Variants in DCAF4 observed in about 807,000 individuals in gnomAD.
DCAF4 encodes DDB1 and CUL4 associated factor 4, also known as DDB1- and CUL4-associated factor 4.
DCAF4 carries 37 observed loss-of-function variants against 60.9 expected under a neutral mutation model. The ratio of observed to expected loss-of-function variants is 0.61; its 90% confidence interval spans 0.47 to 0.80. The LOEUF is 0.80. Ranked by LOEUF, DCAF4 falls within the 30% of genes least tolerant of loss-of-function variation. DCAF4 has a pLI of 0.00. For synonymous variants in DCAF4, 243 were observed against 254.8 expected (o/e 0.95, Z 0.44); for missense variants, 577 against 650.0 (o/e 0.89, Z 1.22).
At chr14:72,929,376 A>ACGCTGGG (rs1056835379) in intron 1 of DCAF4, among the ~76,000 whole-genome samples, 5 of 152,118 alleles carry the variant, frequency 3.3e-5, no homozygotes, top group Non-Finnish European at 5.9e-5. Context: ...ACATACACAT[A>ACGCTGGG]CGCTGGGCAC....
chr14:72,929,600 A>G (rs924442126), intron 1 of DCAF4: 2 of 1,008,000 alleles, frequency 2.0e-6, no homozygotes, highest in Non-Finnish European at 1.5e-6. Flanking sequence ...GGAAGAGGGC[A>G]GGGGAGGGGG....
At chr14:72,946,770 G>C (rs960170068) in intron 7 of DCAF4, among the ~76,000 whole-genome samples, 1 of 152,210 alleles carries the variant, frequency 6.6e-6, no homozygotes, top group African/African-American at 2.4e-5. Context: ...GGCGGCATCC[G>C]TGAGAAGCTG....
intron 1 of DCAF4, chr14:72,929,873 T>C (rs1488077486): frequency 2.7e-6 from 4 of 1,476,352 alleles, no homozygotes; most frequent in Non-Finnish European, 3.7e-6. Flanking sequence ...TTGCTCACGT[T>C]CTTGGTCACC....
chr14:72,946,125 C>G, intron 7 of DCAF4, 98 bp downstream of exon 7: 1 of 1,417,884 alleles, frequency 7.1e-7, no homozygotes, highest in East Asian at 2.3e-5. Flanking sequence ...GAGGGCAGAG[C>G]ATACTTACCT....
At chr14:72,943,162 G>T (rs933238697) in intron 6 of DCAF4, 66 bp downstream of exon 6, 1 of 1,452,972 alleles carries the variant, frequency 6.9e-7, no homozygotes. Context: ...GTGGCTTAGC[G>T]TTGCCAGTCA....
At chr14:72,950,456 C>T (rs1469877758) in intron 8 of DCAF4, among the ~76,000 whole-genome samples, 1 of 152,166 alleles carries the variant, frequency 6.6e-6, no homozygotes, top group Non-Finnish European at 1.5e-5. Context: ...AAACCAGAGG[C>T]TCATTGAAGA....
rs1327466108 is a variant in DCAF4 at position 72,953,763 on chromosome 14, A to ATATATG, written c.809-401_809-400insTATATG. Among the ~76,000 whole-genome samples the ATATATG allele has an allele frequency of 2.4e-4, 9 of 38,138 alleles. 1 individual carries two copies. The highest frequency in any genetic ancestry group is 8.5e-4 in the African/African-American group (9 of 10,570). The allele number at this position is 38,138 out of a possible 152,430, so 25.0% of individuals were successfully genotyped here. ...TATATATATATATATATATATATAT[A>ATATATG]GTTTATTTATTTATTTATTTGTGTG... On this transcript the variant is annotated intron_variant, in intron 9 of 13. Coordinates refer to ENST00000358377, the MANE Select transcript of DCAF4 (RefSeq NM_015604.4).
chr14:72,955,776 G>A, intron 12 of DCAF4, 80 bp downstream of exon 12: 1 of 1,359,072 alleles, frequency 7.4e-7, no homozygotes. Context: ...TGCTGAAGAG[G>A]TCCTCACACC....
Position 72,953,768 on chromosome 14 carries a change from A to ATAG in DCAF4, c.809-395_809-394insAGT, listed in dbSNP as rs1567325444. Among the ~76,000 whole-genome samples, 27 of 20,042 alleles carry ATAG rather than the reference A, an allele frequency of 1.3e-3. 2 individuals are homozygous for ATAG. The highest frequency in any genetic ancestry group is 3.6e-3 in the African/African-American group (25 of 6,908). The allele number at this position is 20,042 out of a possible 152,430, so 13.1% of individuals were successfully genotyped here. Reference sequence around the variant, plus strand: ...ATATATATATATATATATATAGTTTATTTATTTATTTATTTGTGTGTGTGT... The same window carrying ATAG: ...ATATATATATATATATATATAGTTTATAGTTTATTTATTTATTTGTGTGTGTGT... On this transcript the variant is annotated intron_variant, in intron 9 of 13. Coordinates refer to ENST00000358377, the MANE Select transcript of DCAF4 (RefSeq NM_015604.4).
chr14:72,927,045 G>A (rs1417746624), intron 1 of DCAF4: 1 of 152,348 alleles, frequency 6.6e-6, no homozygotes, highest in Non-Finnish European at 1.5e-5. Context: ...ACGCAGAAAG[G>A]GGTGCAGTTT....
chr14:72,933,853 A>G (rs1451053980), intron 1 of DCAF4, among the ~76,000 whole-genome samples: 1 of 152,092 alleles, frequency 6.6e-6, no homozygotes, highest in Non-Finnish European at 1.5e-5. Flanking sequence ...CACCTCTCCC[A>G]TGAAATTTGC....
intron 9 of DCAF4, among the ~76,000 whole-genome samples, chr14:72,952,645 T>A (rs976540620): frequency 6.6e-6 from 1 of 151,536 alleles, no homozygotes; most frequent in African/African-American, 2.4e-5. Context: ...GAAAGGGATG[T>A]GAGGGAGGCC....
rs1434633153 is a variant in DCAF4, at chr14:72,941,742, T to C, written c.352-3T>C. The C allele has an allele frequency of 2.5e-6, 4 of 1,613,172 alleles. No homozygotes were observed. The highest frequency in any genetic ancestry group is 3.3e-5 in the Admixed American group (2 of 59,882). ...ATTGTTCTCTTTTTTGTAATAAATATAGATTGCCAGGATGGGATTTAATGC... is the reference window on the plus strand; with the variant it reads ...ATTGTTCTCTTTTTTGTAATAAATACAGATTGCCAGGATGGGATTTAATGC... On this transcript the variant is annotated splice_region_variant and splice_polypyrimidine_tract_variant and intron_variant, in intron 4 of 13. Coordinates refer to ENST00000358377, the MANE Select transcript of DCAF4 (RefSeq NM_015604.4).
In DCAF4 at chr14:72,955,570, T is replaced by G. The variant is rs779372720; in HGVS notation, c.1053T>G (p.Ile351Met). 6.2e-7 allele frequency: 1 copy of G among 1,614,164 alleles called. No individual in the cohort carries two copies. ...NGCRSGEIFA[I>M]DLRCGNQGKG... ...GCCGCTCTGGGGAAATCTTTGCCAT[T>G]GATCTGCGTTGTGGAAATCAAGGCA... is the stretch of plus-strand genomic sequence containing the variant. The change falls in exon 12 of 14, where the codon ATT (isoleucine) becomes ATG (methionine). Residue 351 changes from isoleucine (I) to methionine (M), a missense_variant. By Grantham distance (10) the Ile-to-Met change is conservative. Coordinates refer to ENST00000358377, the MANE Select transcript of DCAF4 (RefSeq NM_015604.4).
chr14:72,946,002 A>T lies in DCAF4; in HGVS notation c.653A>T (p.Glu218Val). 1 of 1,614,152 alleles carries T rather than the reference A, an allele frequency of 6.2e-7. No homozygotes were observed. Among genetic ancestry groups the T allele is most frequent in the Non-Finnish European group, 8.5e-7 (1 of 1,180,036 alleles). The change falls in exon 7 of 14, where the codon GAA (glutamate) becomes GTA (valine). Residue 218 changes from glutamate to valine, a missense_variant. Transcript: ENST00000358377. Reference protein sequence around the residue: ...KTPTLKVFMHENLYFTNRKVN... With the variant: ...KTPTLKVFMHVNLYFTNRKVN... ...CCTACGCTCAAGGTGTTCATGCACG[A>T]AAACCTCTACTTCACCAACCGGAAG... is the stretch of plus-strand genomic sequence containing the variant.
chr14:72,958,398 A>G (rs1325101561), intron 13 of DCAF4, among the ~76,000 whole-genome samples: 1 of 152,240 alleles, frequency 6.6e-6, no homozygotes, highest in Non-Finnish European at 1.5e-5. Flanking sequence ...CGAGCCATTC[A>G]TGGCATCACA....
At chr14:72,944,309 A>G (rs994927562) in intron 6 of DCAF4, among the ~76,000 whole-genome samples, 2 of 152,208 alleles carry the variant, frequency 1.3e-5, no homozygotes, top group Non-Finnish European at 2.9e-5. Flanking sequence ...TCTAGTCTCA[A>G]TGATTCTTCT....
At chr14:72,947,338 A>G (rs1890866213) in intron 8 of DCAF4, 147 bp downstream of exon 8, 1 of 933,638 alleles carries the variant, frequency 1.1e-6, no homozygotes, top group South Asian at 1.4e-5. Flanking sequence ...AAAAAAAAGC[A>G]GCGTACCTGG....
At chr14:72,944,519 A>G (rs1890470174) in intron 6 of DCAF4, among the ~76,000 whole-genome samples, 1 of 152,228 alleles carries the variant, frequency 6.6e-6, no homozygotes, top group African/African-American at 2.4e-5. Context: ...CACATCTGGC[A>G]CAGTGGTTCA....
Sources: allele counts gnomAD v4.1 joint callset (sites outside exome capture counted in the v4.1 genomes callset), GRCh38; gene constraint gnomAD v4.1.1; transcripts MANE v1.5; gene names NCBI Gene and HGNC (gene_info 2026-07-23, HGNC 2026-07-21).